ZBTB40: variants seen among roughly 807,000 people sequenced by gnomAD.
The protein encoded by ZBTB40 is zinc finger and BTB domain containing 40.
ZBTB40 carries 60 observed loss-of-function variants against 117.5 expected under a neutral mutation model. That is an observed-to-expected ratio of 0.51 (90% CI 0.41 to 0.63). The LOEUF is 0.63. Ranked by LOEUF, ZBTB40 falls within the 30% of genes least tolerant of loss-of-function variation. The probability of loss-of-function intolerance (pLI) is 0.00; values close to 1 mark genes in which losing one functional copy is unlikely to be tolerated. For missense variants in ZBTB40, 1,287 were observed against 1,498.5 expected (o/e 0.86, Z 2.33); for synonymous variants, 525 against 577.1 (o/e 0.91, Z 1.29).
rs572055062 is a variant in ZBTB40 at position 22,455,471 on chromosome 1, A to G, written c.-70+3467A>G. On this transcript the variant is annotated intron_variant, in intron 1 of 17. Transcript: ENST00000375647. Reference sequence around the variant, plus strand: ...CCCTAGTAACCATATTGCACATGTCATCAGAAGACACATTCTAACCCTGCA... The same window carrying G: ...CCCTAGTAACCATATTGCACATGTCGTCAGAAGACACATTCTAACCCTGCA... 2.0e-5 allele frequency among the ~76,000 whole-genome samples: 3 copies of G among 152,358 alleles called. No homozygotes were observed. The South Asian group carries it at 6.2e-4, about 32-fold the overall frequency.
intron 1 of ZBTB40, among the ~76,000 whole-genome samples, chr1:22,461,041 C>G (rs976920407): frequency 1.3e-5 from 2 of 152,108 alleles, no homozygotes; most frequent in South Asian, 4.1e-4. Flanking sequence ...GAATACTTAC[C>G]TCCTAGTATG....
At chr1:22,471,847 AC>A (rs1641413596) in intron 1 of ZBTB40, among the ~76,000 whole-genome samples, 1 of 152,166 alleles carries the variant, frequency 6.6e-6, no homozygotes, top group Non-Finnish European at 1.5e-5. Context: ...GATACCACAC[AC>A]CACGTAGGCC....
At chr1:22,518,416 C>T (rs1296599421) in intron 13 of ZBTB40, among the ~76,000 whole-genome samples, 1 of 152,184 alleles carries the variant, frequency 6.6e-6, no homozygotes, top group Non-Finnish European at 1.5e-5. Flanking sequence ...ACGCCTGACA[C>T]ATAGAAAATG....
rs1639292726 is a variant in ZBTB40, at chr1:22,513,357, A to G, written c.2668+227A>G. 6.6e-6 allele frequency among the ~76,000 whole-genome samples: 1 copy of G among 152,176 alleles called. No individual in the cohort carries two copies. The highest frequency in any genetic ancestry group is 2.1e-4 in the South Asian group (1 of 4,826). ...GGGGATGGATCTCTCATTCTCCCTG[A>G]TGCAGTTATTTCATATTGCATGCCT... On this transcript the variant is annotated intron_variant, in intron 12 of 17. Transcript: ENST00000375647. This position sits in a 1 kb window ranked among gnomAD's most constrained non-coding sequence, Gnocchi z 4.9.
chr1:22,501,659 A>G lies in ZBTB40; in HGVS notation c.999A>G (p.Glu333=). ...CAGCACTATTAGACAGGAAGCCAGA[A>G]GATGTAGACACAGTGCAGCCAAAAG... The part of the protein sequence containing the change: ...VKTALLDRKP[E]DVDTVQPKGS... Residue 333 remains glutamate (E), a synonymous_variant, in exon 4 of 18, where the codon GAA becomes GAG. Coordinates refer to ENST00000375647, the MANE Select transcript of ZBTB40 (RefSeq NM_014870.4). 6.2e-7 allele frequency: 1 copy of G among 1,613,990 alleles called. No individual in the cohort carries two copies. Among genetic ancestry groups the G allele is most frequent in the South Asian group, 1.1e-5 (1 of 91,072 alleles).
At chr1:22,461,565 G>T (rs1374860449) in intron 1 of ZBTB40, among the ~76,000 whole-genome samples, 1 of 152,024 alleles carries the variant, frequency 6.6e-6, no homozygotes, top group Non-Finnish European at 1.5e-5. Flanking sequence ...CTTCTTCAAA[G>T]ACAAAAGAAA....
At position 22,502,458 on chromosome 1, in the gene ZBTB40, T is replaced by C; in HGVS notation, c.1167+17T>C. ...GAAAAAAGGGTAACTGTGTCAAGTGTCTCCTCCCTCCTCCTGAATTCATAT... is the reference window on the plus strand; with the variant it reads ...GAAAAAAGGGTAACTGTGTCAAGTGCCTCCTCCCTCCTCCTGAATTCATAT... On this transcript the variant is annotated intron_variant, in intron 5 of 17. Coordinates refer to ENST00000375647, the MANE Select transcript of ZBTB40 (RefSeq NM_014870.4). The C allele has an allele frequency of 6.2e-7, 1 of 1,613,938 alleles. No individual in the cohort carries two copies. The highest frequency in any genetic ancestry group is 8.5e-7 in the Non-Finnish European group (1 of 1,179,876).
At chr1:22,515,686 A>AC (rs35544737) in intron 12 of ZBTB40, among the ~76,000 whole-genome samples, 6 of 151,664 alleles carry the variant, frequency 4.0e-5, no homozygotes, top group Non-Finnish European at 7.4e-5. Flanking sequence ...ATCCAAGACA[A>AC]CCCCCCCATC....
At chr1:22,514,380 A>G (rs1639322481) in intron 12 of ZBTB40, among the ~76,000 whole-genome samples, 1 of 152,166 alleles carries the variant, frequency 6.6e-6, no homozygotes, top group Non-Finnish European at 1.5e-5. Context: ...TGTCCCACTC[A>G]GTTGTGAAAT....
intron 1 of ZBTB40, among the ~76,000 whole-genome samples, chr1:22,436,554 A>G (rs1640673686): frequency 6.6e-6 from 1 of 152,112 alleles, no homozygotes; most frequent in Non-Finnish European, 1.5e-5. Flanking sequence ...ATACTCATAA[A>G]CTTTATTCAT....
chr1:22,492,823 T>G (rs1638669762), intron 3 of ZBTB40, among the ~76,000 whole-genome samples: 1 of 152,264 alleles, frequency 6.6e-6, no homozygotes, highest in Non-Finnish European at 1.5e-5. Flanking sequence ...TTGTACTGAT[T>G]ATGCTGAAGG....
At chr1:22,511,093 CTTTTTTTT>C in intron 9 of ZBTB40, 78 bp from the exon 10 acceptor site, 1 of 1,342,552 alleles carries the variant, frequency 7.4e-7, no homozygotes, top group Non-Finnish European at 1.0e-6. Flanking sequence ...CTGGGATTAG[CTTTTTTTT>C]TTTTTTTTTA....
chr1:22,484,536 G>T (rs1638413258), intron 1 of ZBTB40, among the ~76,000 whole-genome samples: 1 of 152,130 alleles, frequency 6.6e-6, no homozygotes, highest in African/African-American at 2.4e-5. Flanking sequence ...GTTCCAGGAG[G>T]TTTTTTGTCA....
At position 22,517,367 on chromosome 1, in the gene ZBTB40, G is replaced by A. The variant is rs1266574991; in HGVS notation, c.2736G>A (p.Val912=). The A allele has an allele frequency of 6.2e-7, 1 of 1,614,224 alleles. No homozygotes were observed. Among genetic ancestry groups the A allele is most frequent in the South Asian group, 1.1e-5 (1 of 91,092 alleles). Residue 912 remains valine, a synonymous_variant, in exon 13 of 18, where the codon GTG becomes GTA. Coordinates refer to ENST00000375647, the MANE Select transcript of ZBTB40 (RefSeq NM_014870.4). ...FAQSIELSRH[V]RTHTGDKPYV... ...AGTCTATTGAGCTGTCCCGCCACGTGAGGACCCACACCGGGGACAAGCCCT... is the reference window on the plus strand; with the variant it reads ...AGTCTATTGAGCTGTCCCGCCACGTAAGGACCCACACCGGGGACAAGCCCT...
intron 3 of ZBTB40, among the ~76,000 whole-genome samples, chr1:22,493,305 T>C (rs1429537978): frequency 6.6e-6 from 1 of 152,200 alleles, no homozygotes; most frequent in African/African-American, 2.4e-5. Context: ...TGGTGGCTGT[T>C]TTTAAAGCCA....
chr1:22,525,917 A>G (rs1005427493), intron 17 of ZBTB40, among the ~76,000 whole-genome samples: 1 of 152,194 alleles, frequency 6.6e-6, no homozygotes, highest in Non-Finnish European at 1.5e-5. Context: ...AGTGTGAAAA[A>G]CAGAGCCAGT....
chr1:22,481,431 T>G (rs1638310713), intron 1 of ZBTB40, among the ~76,000 whole-genome samples: 1 of 152,230 alleles, frequency 6.6e-6, no homozygotes, highest in Non-Finnish European at 1.5e-5. Context: ...AGTATCTATA[T>G]ATTGGTAAGC....
chr1:22,501,637 C>T lies in ZBTB40; in HGVS notation c.977C>T (p.Ala326Val). ...YQYSNPAVKTALLDRKPEDVD... is the reference protein window; with the variant it reads ...YQYSNPAVKTVLLDRKPEDVD... The stretch of plus-strand genomic sequence containing the variant: ...TATTCTAATCCTGCAGTAAAAACAG[C>T]ACTATTAGACAGGAAGCCAGAAGAT... Residue 326 changes from alanine (A) to valine (V), a missense_variant, in exon 4 of 18, where the codon GCA becomes GTA. Ala to Val is a moderately conservative substitution (Grantham distance 64). This residue lies in a region of ZBTB40 where 870 missense variants were observed against 934.4 expected (regional missense o/e 0.93). Transcript: ENST00000375647. 6.2e-7 allele frequency: 1 copy of T among 1,614,050 alleles called. No homozygotes were observed. Among genetic ancestry groups the T allele is most frequent in the Non-Finnish European group, 8.5e-7 (1 of 1,179,994 alleles).
At chr1:22,483,963 A>G (rs898636202) in intron 1 of ZBTB40, among the ~76,000 whole-genome samples, 1 of 152,120 alleles carries the variant, frequency 6.6e-6, no homozygotes, top group Non-Finnish European at 1.5e-5. Context: ...ATTTTTTCGT[A>G]TGTGAATGTC....
Sources: gnomAD v4.1 joint callset for allele counts (sites outside exome capture counted in the v4.1 genomes callset) on GRCh38, gnomAD v4.1.1 for gene constraint, gnomAD v4.1.1 regional missense constraint, Gnocchi (gnomAD v3.1) non-coding constraint, MANE v1.5 for transcripts, NCBI Gene and HGNC (gene_info 2026-07-23, HGNC 2026-07-21) for gene names.